The following DNAH9 variants were observed in gnomAD, a reference collection of about 807,000 sequenced individuals.
DNAH9 encodes DNAH9 variant protein.
In DNAH9, 345 loss-of-function variants were observed where a neutral mutation model predicts 471.6. That is an observed-to-expected ratio of 0.73 (90% confidence interval 0.67 to 0.80). The LOEUF (loss-of-function observed/expected upper bound fraction) is 0.80, where lower values mean the gene tolerates loss of function less well. DNAH9 is among the 30% of genes least tolerant of loss of function. The pLI is 0.00. For missense variants in DNAH9, 5,407 were observed against 5,609.2 expected (o/e 0.96, Z 1.15); for synonymous variants, 2,093 against 2,123.6 (o/e 0.99, Z 0.40).
intron 10 of DNAH9, among the ~76,000 whole-genome samples, chr17:11,640,841 G>T (rs1210255264): frequency 6.6e-6 from 1 of 152,136 alleles, no homozygotes; most frequent in East Asian, 1.9e-4. Context: ...GTCACTGGCT[G>T]AATCTGAATC....
chr17:11,616,538 C>T (rs981419646), intron 4 of DNAH9, among the ~76,000 whole-genome samples: 19 of 152,126 alleles, frequency 1.2e-4, no homozygotes, highest in African/African-American at 2.9e-4. Flanking sequence ...CCTAGTTTCC[C>T]GTGTCAGTCA....
chr17:11,679,992 A>G lies in DNAH9; in HGVS notation c.3576+13A>G. 1.3e-6 allele frequency: 2 copies of G among 1,595,702 alleles called. No individual in the cohort carries two copies. The highest frequency in any genetic ancestry group is 1.3e-5 in the African/African-American group (1 of 74,498). On this transcript the variant is annotated intron_variant, in intron 18 of 68. Transcript: ENST00000262442. ...TAAGCAGCTGGAGGTCAGTGCATTT[A>G]TGTCTTCCTTATAAAAGAAATAGAG...
At chr17:11,899,096 G>A (rs1047487460) in intron 59 of DNAH9, among the ~76,000 whole-genome samples, 1 of 152,018 alleles carries the variant, frequency 6.6e-6, no homozygotes, top group Non-Finnish European at 1.5e-5. Flanking sequence ...CGTTGCCAAA[G>A]CCTTTGATGA....
At chr17:11,914,853 T>C (rs1161958995) in intron 61 of DNAH9, among the ~76,000 whole-genome samples, 2 of 152,196 alleles carry the variant, frequency 1.3e-5, no homozygotes, top group Admixed American at 6.5e-5. Context: ...AGTCAGCCTG[T>C]CATTTCAAGT....
chr17:11,694,481 G>A, intron 22 of DNAH9, 34 bp downstream of exon 22: 5 of 1,612,528 alleles, frequency 3.1e-6, no homozygotes, highest in Non-Finnish European at 4.2e-6. Flanking sequence ...AAAGGTCTAG[G>A]AGGGCTGAGG....
At chr17:11,837,335 C>T (rs1970882141) in intron 49 of DNAH9, among the ~76,000 whole-genome samples, 1 of 152,136 alleles carries the variant, frequency 6.6e-6, no homozygotes, top group African/African-American at 2.4e-5. Context: ...ATGCTGTCCT[C>T]GAACTAGTGT....
intron 49 of DNAH9, among the ~76,000 whole-genome samples, chr17:11,850,415 G>A (rs746927442): frequency 6.6e-6 from 1 of 152,168 alleles, no homozygotes; most frequent in Non-Finnish European, 1.5e-5. Context: ...TTGGAAGGCC[G>A]AGGCAGGTGG....
At chr17:11,825,359 A>T (rs890121603) in intron 48 of DNAH9, among the ~76,000 whole-genome samples, 1 of 151,896 alleles carries the variant, frequency 6.6e-6, no homozygotes, top group African/African-American at 2.4e-5. Context: ...AACATTTTCC[A>T]CCAGCCCTGT....
chr17:11,637,619 G>T (rs947749815), intron 9 of DNAH9, among the ~76,000 whole-genome samples: 9 of 152,028 alleles, frequency 5.9e-5, no homozygotes, highest in East Asian at 1.9e-4. Flanking sequence ...AAATAAGAAA[G>T]AAATAAAATA....
In DNAH9 at chr17:11,916,032, C is replaced by G. The variant is rs145177705; in HGVS notation, c.11750-7782C>G. On this transcript the variant is annotated intron_variant, in intron 61 of 68. Transcript: ENST00000262442. ...AAATTAATGTTAGCAGAACTGTTAT[C>G]AGAGCTAAGTTATTCCTGACTTTCA... is the stretch of plus-strand genomic sequence containing the variant. Among the ~76,000 whole-genome samples, 1,387 of 152,318 alleles carry G rather than the reference C, an allele frequency of 9.1e-3. 12 individuals are homozygous for G. Among genetic ancestry groups the G allele is most frequent in the Non-Finnish European group, 0.014 (980 of 68,032 alleles).
At chr17:11,671,310 G>A (rs1280306485) in intron 17 of DNAH9, among the ~76,000 whole-genome samples, 2 of 152,210 alleles carry the variant, frequency 1.3e-5, no homozygotes, top group Non-Finnish European at 2.9e-5. Context: ...CAGGAGGACA[G>A]TTTACAGCAG....
rs192757303 is a variant in DNAH9 at position 11,760,770 on chromosome 17, G to A, written c.6996-2670G>A. Among the ~76,000 whole-genome samples, 714 of 152,128 alleles carry A rather than the reference G, an allele frequency of 4.7e-3. 6 individuals carry two copies. The highest frequency in any genetic ancestry group is 0.022 in the South Asian group (108 of 4,814). On this transcript the variant is annotated intron_variant, in intron 35 of 68. Transcript: ENST00000262442. ...CTTGACCTCGTGATCTGCCCTCCTC[G>A]GCCTCCCAAAGTGCTGGGATTACAG...
At chr17:11,680,448 C>T (rs770185459) in intron 18 of DNAH9, among the ~76,000 whole-genome samples, 1 of 152,140 alleles carries the variant, frequency 6.6e-6, no homozygotes, top group Non-Finnish European at 1.5e-5. Context: ...TTTAGCATTC[C>T]AAGTTTTCAC....
rs774279617 is a variant in DNAH9 at position 11,891,897 on chromosome 17, G to A, written c.11233G>A (p.Gly3745Arg). ...TFSVYQYTIRGLFECDKLTYL... is the reference protein window; with the variant it reads ...TFSVYQYTIRRLFECDKLTYL... ...CTCTGTGTACCAGTACACCATCCGC[G>A]GGCTCTTTGAGTGTGATAAGCTGAC... The change falls in exon 58 of 69, where the codon GGG becomes AGG. Residue 3745 changes from glycine (G) to arginine (R), a missense_variant. Physicochemically the swap from Gly to Arg is moderately radical, Grantham distance 125 (BLOSUM62 -2). Around this residue, in one of 3 missense-constraint regions of DNAH9, gnomAD observed 4,636 missense variants for 4,900.3 expected, o/e 0.95. Transcript: ENST00000262442. The A allele has an allele frequency of 2.5e-5, 40 of 1,613,906 alleles. No homozygotes were observed. Among genetic ancestry groups the A allele is most frequent in the Non-Finnish European group, 3.1e-5 (36 of 1,179,980 alleles).
intron 61 of DNAH9, among the ~76,000 whole-genome samples, chr17:11,913,511 G>A (rs181165769): frequency 3.9e-5 from 6 of 152,088 alleles, no homozygotes; most frequent in South Asian, 4.2e-4. Flanking sequence ...GTCCGGGCAC[G>A]GTGGCTCATG....
intron 26 of DNAH9, among the ~76,000 whole-genome samples, chr17:11,707,154 C>A (rs563198827): frequency 6.6e-6 from 1 of 152,214 alleles, no homozygotes; most frequent in South Asian, 2.1e-4. Flanking sequence ...ATACCCTTTC[C>A]TTGTAATTCC....
Position 11,696,345 on chromosome 17 carries a change from T to C in DNAH9, c.4872+1898T>C, listed in dbSNP as rs146014331. Among the ~76,000 whole-genome samples the C allele has an allele frequency of 4.0e-3, 603 of 152,294 alleles. 5 individuals are homozygous for C. Among genetic ancestry groups the C allele is most frequent in the African/African-American group, 0.014 (570 of 41,566 alleles). ...TTTTTAATATTTGCATCATACTCCA[T>C]GGATTGATATACCACAGTTTGGCCA... On this transcript the variant is annotated intron_variant, in intron 22 of 68. Coordinates refer to ENST00000262442, the MANE Select transcript of DNAH9 (RefSeq NM_001372.4).
Position 11,775,869 on chromosome 17 carries a change from G to C in DNAH9, c.7553-5140G>C, listed in dbSNP as rs373106738. On this transcript the variant is annotated intron_variant, in intron 38 of 68. Transcript: ENST00000262442. Reference sequence around the variant, plus strand: ...GGGCTCCCAAAGTGCTGGGATTATAGGCGTGAGCCACCGCGCCGGGCCAAT... The same window carrying C: ...GGGCTCCCAAAGTGCTGGGATTATACGCGTGAGCCACCGCGCCGGGCCAAT... 3.7e-4 allele frequency among the ~76,000 whole-genome samples: 56 copies of C among 152,240 alleles called. No individual in the cohort carries two copies. The East Asian group carries it at 7.5e-3, about 21-fold the overall frequency.
rs1330636430 is a variant in DNAH9, at chr17:11,942,473, G to A, written c.12831G>A (p.Glu4277=). ...REIQRSLREL[E]LGLKGELTMT... Reference sequence around the variant, plus strand: ...TTCAGCGCTCACTGAGGGAGCTGGAGCTCGGCTTAAAGGTGAGCGCGGTCT... The same window carrying A: ...TTCAGCGCTCACTGAGGGAGCTGGAACTCGGCTTAAAGGTGAGCGCGGTCT... The change falls in exon 67 of 69, where the codon GAG becomes GAA. Residue 4277 remains glutamate, a synonymous_variant. Transcript: ENST00000262442. 6.2e-7 allele frequency: 1 copy of A among 1,613,976 alleles called. No individual in the cohort carries two copies. Among genetic ancestry groups the A allele is most frequent in the Admixed American group, 1.7e-5 (1 of 60,020 alleles).
Sources: allele counts gnomAD v4.1 joint callset (sites outside exome capture counted in the v4.1 genomes callset), GRCh38; gene constraint gnomAD v4.1.1; regional missense constraint gnomAD v4.1.1; transcripts MANE v1.5; gene names NCBI Gene and HGNC (gene_info 2026-07-23, HGNC 2026-07-21).